ANO2: variants seen among roughly 807,000 people sequenced by gnomAD.
The protein encoded by ANO2 is anoctamin-2.
Under a neutral mutation model 124.2 loss-of-function variants are expected in ANO2, and 101 were observed. The observed-to-expected ratio is 0.81, with a 90% CI of 0.69 to 0.96. The LOEUF (loss-of-function observed/expected upper bound fraction) is 0.96. Ranked by LOEUF, ANO2 falls within the 40% of genes least tolerant of loss-of-function variation. ANO2 has a pLI of 0.00. For synonymous variants in ANO2, 486 were observed against 482.5 expected (o/e 1.01, Z -0.09); for missense variants, 1,293 against 1,274.5 (o/e 1.01, Z -0.22).
rs114707724 is a variant in ANO2, at chr12:5,630,504, C to G, written c.1816+4648G>C. Among the ~76,000 whole-genome samples, 1,224 of 152,316 alleles carry G rather than the reference C, an allele frequency of 8.0e-3. 28 individuals carry two copies. Among genetic ancestry groups the G allele is most frequent in the African/African-American group, 0.028 (1,165 of 41,570 alleles). ...TTCAGTCACTATCCCATTGTGTCAG[C>G]TTTGCCTTGGCCTTATTCATCTCAA... On this transcript the variant is annotated intron_variant, in intron 16 of 24. Coordinates refer to ENST00000682330, the MANE Select transcript of ANO2 (RefSeq NM_001364791.2).
At chr12:5,812,307 G>A (rs1332695262) in intron 7 of ANO2, among the ~76,000 whole-genome samples, 158 of 86,484 alleles carry the variant, frequency 1.8e-3, no homozygotes, top group African/African-American at 4.8e-3. Flanking sequence ...AGAAAGAAGA[G>A]GAAGGAAGGA....
At chr12:5,693,131 G>T (rs1949015937) in intron 14 of ANO2, among the ~76,000 whole-genome samples, 1 of 152,056 alleles carries the variant, frequency 6.6e-6, no homozygotes, top group African/African-American at 2.4e-5. Flanking sequence ...TACCCATTGG[G>T]TGAGCTGACA....
chr12:5,823,069 G>A (rs1953855770), intron 7 of ANO2, among the ~76,000 whole-genome samples: 1 of 152,116 alleles, frequency 6.6e-6, no homozygotes, highest in African/African-American at 2.4e-5. Flanking sequence ...GGGAATTCTG[G>A]GAGATACAAT....
chr12:5,593,699 C>T (rs1043760611), intron 20 of ANO2, among the ~76,000 whole-genome samples: 3 of 152,194 alleles, frequency 2.0e-5, no homozygotes, highest in Admixed American at 2.0e-4. Flanking sequence ...AAGCACTCTA[C>T]ATGCATCAAC....
intron 14 of ANO2, among the ~76,000 whole-genome samples, chr12:5,725,126 C>T (rs1485822075): frequency 6.7e-6 from 1 of 149,556 alleles, no homozygotes; most frequent in African/African-American, 2.5e-5. Flanking sequence ...CACACACACG[C>T]AAACACAATC....
At chr12:5,690,315 G>T (rs1361428418) in intron 14 of ANO2, among the ~76,000 whole-genome samples, 4 of 152,062 alleles carry the variant, frequency 2.6e-5, no homozygotes, top group Non-Finnish European at 5.9e-5. Flanking sequence ...TCTCACTCTG[G>T]ATTCCCCTGA....
intron 19 of ANO2, among the ~76,000 whole-genome samples, chr12:5,604,660 C>T (rs952370984): frequency 2.0e-5 from 3 of 152,064 alleles, no homozygotes; most frequent in Non-Finnish European, 2.9e-5. Context: ...TAGGTCAAAA[C>T]AAATGCAGGG....
chr12:5,877,384 T>C (rs997258935), intron 3 of ANO2, among the ~76,000 whole-genome samples: 2 of 152,214 alleles, frequency 1.3e-5, no homozygotes, highest in African/African-American at 2.4e-5. Context: ...TTTGGACTTC[T>C]GGATTTTGAT....
intron 14 of ANO2, among the ~76,000 whole-genome samples, chr12:5,694,590 T>G (rs1949091867): frequency 6.6e-6 from 1 of 152,168 alleles, no homozygotes; most frequent in Non-Finnish European, 1.5e-5. Flanking sequence ...AGTTTCCCCA[T>G]GTATAAAATG....
chr12:5,577,924 G>A (rs775326913), intron 22 of ANO2, 31 bp downstream of exon 22: 4 of 1,607,480 alleles, frequency 2.5e-6, no homozygotes, highest in Middle Eastern at 1.7e-4. Flanking sequence ...CCTTCCCACA[G>A]AGCGAGTGTG....
rs565339294 is a variant in ANO2, at chr12:5,623,171, CT to C, written c.1817-7875del. ...CAACCCCATGAAAAAATGGTCCAGC[CT>C]TGTGCTTTGAACAACTCCAAATAAA... On this transcript the variant is annotated intron_variant, in intron 16 of 24. Transcript: ENST00000682330. Among the ~76,000 whole-genome samples, 648 of 152,172 alleles carry C rather than the reference CT, an allele frequency of 4.3e-3. 8 individuals carry two copies. The highest frequency in any genetic ancestry group is 0.015 in the African/African-American group (624 of 41,484).
At chr12:5,944,457 G>A (rs984610760) in intron 1 of ANO2, among the ~76,000 whole-genome samples, 1 of 152,184 alleles carries the variant, frequency 6.6e-6, no homozygotes, top group Admixed American at 6.5e-5. Context: ...CATGCCAAAG[G>A]AGCGGGCACC....
At chr12:5,610,633 G>A (rs923283091) in intron 19 of ANO2, among the ~76,000 whole-genome samples, 22 of 138,016 alleles carry the variant, frequency 1.6e-4, no homozygotes, top group Non-Finnish European at 1.4e-4. Flanking sequence ...TTATATATAT[G>A]TATATATTTA....
intron 14 of ANO2, among the ~76,000 whole-genome samples, chr12:5,671,145 A>G (rs1177155009): frequency 6.6e-6 from 1 of 152,140 alleles, no homozygotes; most frequent in African/African-American, 2.4e-5. Context: ...AATGAGGGGA[A>G]CAGCTCCCCA....
chr12:5,830,030 A>C (rs2137215084), intron 6 of ANO2, among the ~76,000 whole-genome samples: 2 of 152,306 alleles, frequency 1.3e-5, no homozygotes, highest in East Asian at 3.9e-4. Context: ...AATCAGAAGG[A>C]CTAGTTCTAA....
chr12:5,724,073 C>CT (rs1402986623), intron 14 of ANO2, among the ~76,000 whole-genome samples: 1 of 152,188 alleles, frequency 6.6e-6, no homozygotes, highest in East Asian at 1.9e-4. Flanking sequence ...TAATTCAGCC[C>CT]TTAATAGCCA....
At chr12:5,677,203 C>A (rs1404665207) in intron 14 of ANO2, among the ~76,000 whole-genome samples, 1 of 152,004 alleles carries the variant, frequency 6.6e-6, no homozygotes, top group Non-Finnish European at 1.5e-5. Context: ...GCTGGGGAGG[C>A]CTTTGGCACC....
chr12:5,899,362 C>G (rs542353787), intron 3 of ANO2, among the ~76,000 whole-genome samples: 1 of 152,194 alleles, frequency 6.6e-6, no homozygotes, highest in Non-Finnish European at 1.5e-5. Flanking sequence ...TAAAATCACA[C>G]GGTCCCTCAG....
In ANO2 at chr12:5,789,723, CCAGACCCA is replaced by C. The variant is rs528145890; in HGVS notation, c.1055+9776_1055+9783del. On this transcript the variant is annotated intron_variant, in intron 10 of 24. Coordinates refer to ENST00000682330, the MANE Select transcript of ANO2 (RefSeq NM_001364791.2). ...TTTTCCTTTCTTATGTGTGTGACTT[CCAGACCCA>C]CAGAATGCTGTGGTTTTCCATTTCT... is the stretch of plus-strand genomic sequence containing the variant. Among the ~76,000 whole-genome samples the C allele has an allele frequency of 2.8e-4, 43 of 152,300 alleles. No homozygotes were observed. In the South Asian group the frequency reaches 8.7e-3, roughly 31 times the overall value.
Sources: allele counts gnomAD v4.1 joint callset (sites outside exome capture counted in the v4.1 genomes callset), GRCh38; gene constraint gnomAD v4.1.1; transcripts MANE v1.5; gene names NCBI Gene and HGNC (gene_info 2026-07-23, HGNC 2026-07-21).